The following LRRN2 variants were observed in gnomAD, a reference collection of about 807,000 sequenced individuals.
The protein encoded by LRRN2 is leucine rich repeat neuronal 2, also known as leucine-rich repeat neuronal protein 2.
A neutral mutation model predicts 35.7 loss-of-function variants in LRRN2; 10 were observed. The ratio of observed to expected loss-of-function variants is 0.28; its 90% CI spans 0.17 to 0.47. LRRN2 has a LOEUF of 0.47. Ranked by LOEUF, LRRN2 falls within the 20% of genes least tolerant of loss-of-function variation. The probability of loss-of-function intolerance (pLI) is 0.99; values close to 1 mark genes in which losing one functional copy is unlikely to be tolerated. For synonymous variants in LRRN2, 391 were observed against 409.6 expected (o/e 0.95, Z 0.55); for missense variants, 731 against 940.3 (o/e 0.78, Z 2.91).
chr1:204,619,807 T>A lies in LRRN2; in HGVS notation c.186A>T (p.Ala62=). 2 of 1,614,044 alleles carry A rather than the reference T, an allele frequency of 1.2e-6. No homozygotes were observed. Among genetic ancestry groups the A allele is most frequent in the Non-Finnish European group, 8.5e-7 (1 of 1,179,936 alleles). ...TGCCTGCGGGGAGTGCCGGGGGGAC[T>A]GCCGTCAGGAATAGGTCATTGCAGT... ...TVDCNDLFLT[A]VPPALPAGTQ... is the part of the protein sequence containing the mutation. Residue 62 remains alanine, a synonymous_variant, in exon 2 of 2, where the codon GCA becomes GCT. Transcript: ENST00000367177.
At chr1:204,637,198 C>T (rs1004632539) in intron 1 of LRRN2, among the ~76,000 whole-genome samples, 6 of 152,224 alleles carry the variant, frequency 3.9e-5, no homozygotes, top group African/African-American at 1.4e-4. Context: ...AATGTGAAGC[C>T]AGGACTGAGA....
chr1:204,683,394 G>A (rs1668994990), intron 1 of LRRN2, among the ~76,000 whole-genome samples: 1 of 152,010 alleles, frequency 6.6e-6, no homozygotes, highest in South Asian at 2.1e-4. Flanking sequence ...AGGAAGAGCA[G>A]TGTGAGGGGG....
Position 204,619,099 on chromosome 1 carries a change from C to T in LRRN2, c.894G>A (p.Leu298=). The change falls in exon 2 of 2, where the codon CTG becomes CTA. Residue 298 remains leucine, a synonymous_variant. Transcript: ENST00000367177. ...KELGLNNMEE[L]VSIDKFALVN... ...CCAGGGCAAACTTGTCGATGGAGAC[C>T]AGCTCCTCCATGTTGTTCAGTCCCA... 6.2e-7 allele frequency: 1 copy of T among 1,608,690 alleles called. No homozygotes were observed. The highest frequency in any genetic ancestry group is 8.5e-7 in the Non-Finnish European group (1 of 1,176,596).
chr1:204,637,645 C>CGTGTGT (rs67761829), intron 1 of LRRN2, among the ~76,000 whole-genome samples: 2,678 of 129,954 alleles, frequency 0.021, 28 homozygotes, highest in East Asian at 0.031. Flanking sequence ...CAGCACGTGA[C>CGTGTGT]GTGTGTGTGT....
Position 204,620,171 on chromosome 1 carries a change from C to T in LRRN2, c.-179G>A. ...CAATATGCCTTCTCTTCCTTGTCCT[C>T]TGGGGCTGGGCCTGCTCAGTCATTG... On this transcript the variant is annotated 5_prime_UTR_variant, in exon 2 of 2. Transcript: ENST00000367177. The T allele has an allele frequency of 6.9e-7, 1 of 1,450,056 alleles. No homozygotes were observed. Among genetic ancestry groups the T allele is most frequent in the South Asian group, 1.5e-5 (1 of 67,032 alleles). 89.8% of individuals were successfully genotyped at this position (1,450,056 alleles called of 1,614,324 possible). A position where few individuals can be genotyped will look rare whatever the true frequency, so the allele number is the denominator to read the frequency against.
In LRRN2 at chr1:204,620,083, G is replaced by C; in HGVS notation, c.-91C>G. The C allele has an allele frequency of 6.7e-7, 1 of 1,497,896 alleles. No homozygotes were observed. The highest frequency in any genetic ancestry group is 8.9e-7 in the Non-Finnish European group (1 of 1,120,838). The allele number at this position is 1,497,896 out of a possible 1,614,324, so 92.8% of individuals were successfully genotyped here. A position where few individuals can be genotyped will look rare whatever the true frequency, so the allele number is the denominator to read the frequency against. ...AGGGTAAGGGTCAGCAACCCTGCCA[G>C]GGCCCAAGGAACCACCCTCCCAGGG... is the stretch of plus-strand genomic sequence containing the variant. On this transcript the variant is annotated 5_prime_UTR_variant, in exon 2 of 2. Coordinates refer to ENST00000367177, the MANE Select transcript of LRRN2 (RefSeq NM_201630.2).
intron 1 of LRRN2, among the ~76,000 whole-genome samples, chr1:204,681,766 G>A (rs1014475005): frequency 4.6e-5 from 7 of 152,190 alleles, no homozygotes; most frequent in Admixed American, 3.9e-4. Flanking sequence ...CCCAGGCCCC[G>A]CACTGGAAAG....
intron 1 of LRRN2, among the ~76,000 whole-genome samples, chr1:204,622,803 A>G (rs939012924): frequency 6.6e-6 from 1 of 152,066 alleles, no homozygotes; most frequent in Non-Finnish European, 1.5e-5. Context: ...CGGCAAATAG[A>G]TCAGGACCCA....
intron 1 of LRRN2, among the ~76,000 whole-genome samples, chr1:204,666,887 G>A (rs1448720538): frequency 6.7e-6 from 1 of 149,800 alleles, no homozygotes; most frequent in East Asian, 2.0e-4. Flanking sequence ...GCTTGAACCT[G>A]GGAGGCAGAG....
At chr1:204,667,656 GGGA>G (rs1668602033) in intron 1 of LRRN2, among the ~76,000 whole-genome samples, 1 of 152,166 alleles carries the variant, frequency 6.6e-6, no homozygotes, top group South Asian at 2.1e-4. Flanking sequence ...CTCAGTTCAT[GGGA>G]GGAGTTCTCA....
chr1:204,666,736 G>A (rs538672572), intron 1 of LRRN2, among the ~76,000 whole-genome samples: 5 of 152,240 alleles, frequency 3.3e-5, no homozygotes, highest in Admixed American at 3.3e-4. Flanking sequence ...CAAGGCAGAT[G>A]GATCACTTTA....
At position 204,620,017 on chromosome 1, in the gene LRRN2, A is replaced by G. The variant is rs1412271856; in HGVS notation, c.-25T>C. 2 of 1,589,150 alleles carry G rather than the reference A, an allele frequency of 1.3e-6. No homozygotes were observed. Among genetic ancestry groups the G allele is most frequent in the Non-Finnish European group, 1.7e-6 (2 of 1,168,904 alleles). Reference sequence around the variant, plus strand: ...TGGTGGAGCTGCAGGGCAGGGGACCATTCACAAGAAGAGTCTGGAGTCCTG... The same window carrying G: ...TGGTGGAGCTGCAGGGCAGGGGACCGTTCACAAGAAGAGTCTGGAGTCCTG... On this transcript the variant is annotated 5_prime_UTR_variant, in exon 2 of 2. The change abolishes an upstream ATG in the 5' untranslated region. Transcript: ENST00000367177.
At chr1:204,622,620 A>G (rs554984551) in intron 1 of LRRN2, among the ~76,000 whole-genome samples, 5 of 152,086 alleles carry the variant, frequency 3.3e-5, no homozygotes, top group Admixed American at 6.5e-5. Flanking sequence ...GGGGTCAGGA[A>G]GCAGGGAGGG....
intron 1 of LRRN2, chr1:204,621,751 G>A (rs1666910107): frequency 6.0e-6 from 1 of 167,096 alleles, no homozygotes; most frequent in Admixed American, 6.5e-5. Context: ...TCCAGCCTTG[G>A]CCTAGAACCA....
intron 1 of LRRN2, among the ~76,000 whole-genome samples, chr1:204,660,157 G>C (rs1040232089): frequency 1.3e-5 from 2 of 152,142 alleles, no homozygotes; most frequent in African/African-American, 4.8e-5. Context: ...CATACCCTTG[G>C]CTTGTTCACA....
chr1:204,644,456 C>G lies in LRRN2; in HGVS notation c.-226-24238G>C, dbSNP rs112731150. On this transcript the variant is annotated intron_variant, in intron 1 of 1. Transcript: ENST00000367177. ...GCCCACCTCTTCAGATCCTCTCCTC[C>G]TCTTCTTTTTCCCCTGCCCTGGACA... Among the ~76,000 whole-genome samples the G allele has an allele frequency of 5.1e-3, 781 of 152,330 alleles. 9 individuals are homozygous for G. The highest frequency in any genetic ancestry group is 0.017 in the African/African-American group (725 of 41,578).
intron 1 of LRRN2, among the ~76,000 whole-genome samples, chr1:204,657,341 T>TATACACACAC (rs1553349082): frequency 4.1e-5 from 6 of 146,952 alleles, no homozygotes; most frequent in Admixed American, 2.7e-4. Context: ...TATGTATATA[T>TATACACACAC]ACACACACAC....
intron 1 of LRRN2, among the ~76,000 whole-genome samples, chr1:204,638,676 C>T (rs1410856692): frequency 2.0e-5 from 3 of 152,202 alleles, no homozygotes; most frequent in East Asian, 1.9e-4. Context: ...TCCCAAAGTG[C>T]TGGGATTACA....
intron 1 of LRRN2, among the ~76,000 whole-genome samples, chr1:204,650,664 C>T (rs186391000): frequency 1.8e-3 from 281 of 152,304 alleles, no homozygotes; most frequent in Non-Finnish European, 3.2e-3. Flanking sequence ...GAAGTTCCCA[C>T]TTCCACTCTG....
Sources: allele counts gnomAD v4.1 joint callset (sites outside exome capture counted in the v4.1 genomes callset), GRCh38; gene constraint gnomAD v4.1.1; transcripts MANE v1.5; gene names NCBI Gene and HGNC (gene_info 2026-07-23, HGNC 2026-07-21).